Variants in DPYSL3 observed in about 807,000 individuals in gnomAD.
DPYSL3 encodes the protein dihydropyrimidinase like 3, also known as dihydropyrimidinase-related protein 3.
Under a neutral mutation model 66.1 loss-of-function variants are expected in DPYSL3, and 16 were observed. The ratio of observed to expected loss-of-function variants is 0.24; its 90% CI spans 0.16 to 0.37. The LOEUF (loss-of-function observed/expected upper bound fraction) is 0.37. DPYSL3 is among the 10% of genes least tolerant of loss of function. DPYSL3 has a pLI of 1.00. For missense variants in DPYSL3, 738 were observed against 916.2 expected (o/e 0.81, Z 2.51); for synonymous variants, 338 against 345.1 (o/e 0.98, Z 0.23).
At chr5:147,399,033 C>T (rs1156572673) in intron 11 of DPYSL3, 49 bp downstream of exon 11, 1 of 1,593,844 alleles carries the variant, frequency 6.3e-7, no homozygotes, top group Non-Finnish European at 8.6e-7. Context: ...GACCAAGTTC[C>T]TTGCATGCAT....
chr5:147,451,990 A>G (rs10056132), intron 1 of DPYSL3, among the ~76,000 whole-genome samples: 87,508 of 151,906 alleles, frequency 0.58, 25,591 homozygotes, highest in African/African-American at 0.64. Context: ...AAGGAGGATC[A>G]GTTAAAACCC....
chr5:147,480,947 C>T (rs1301194771), intron 1 of DPYSL3, among the ~76,000 whole-genome samples: 1 of 151,990 alleles, frequency 6.6e-6, no homozygotes, highest in Non-Finnish European at 1.5e-5. Context: ...GTCTCAAATT[C>T]TCGACCTCAG....
chr5:147,444,528 A>T (rs1200383197), intron 1 of DPYSL3, among the ~76,000 whole-genome samples: 1 of 152,222 alleles, frequency 6.6e-6, no homozygotes, highest in Non-Finnish European at 1.5e-5. Flanking sequence ...TAACACACAT[A>T]GTTCTTCAAA....
intron 1 of DPYSL3, among the ~76,000 whole-genome samples, chr5:147,482,168 C>T (rs945512900): frequency 6.6e-6 from 1 of 152,138 alleles, no homozygotes; most frequent in African/African-American, 2.4e-5. Flanking sequence ...TACCCAAAAC[C>T]CATGGTTCCC....
chr5:147,477,773 G>A (rs1013302504), intron 1 of DPYSL3, among the ~76,000 whole-genome samples: 1 of 150,662 alleles, frequency 6.6e-6, no homozygotes, highest in South Asian at 2.1e-4. Flanking sequence ...TAGTAGAGAC[G>A]GGGTTTCACC....
At chr5:147,496,799 G>A (rs975414214) in intron 1 of DPYSL3, among the ~76,000 whole-genome samples, 1 of 151,838 alleles carries the variant, frequency 6.6e-6, no homozygotes, top group African/African-American at 2.4e-5. Context: ...TACACTGTTG[G>A]TGGGACTGTA....
intron 1 of DPYSL3, among the ~76,000 whole-genome samples, chr5:147,486,892 T>C (rs1001273228): frequency 6.6e-6 from 1 of 152,222 alleles, no homozygotes. Flanking sequence ...TATATCCTTT[T>C]ACTGCATATT....
intron 2 of DPYSL3, among the ~76,000 whole-genome samples, chr5:147,421,146 TG>T (rs1376955422): frequency 2.0e-5 from 3 of 152,294 alleles, no homozygotes; most frequent in Admixed American, 6.5e-5. Context: ...CTCCTTAAGC[TG>T]ATAAGCAACT....
At chr5:147,506,496 C>T (rs1421875809) in intron 1 of DPYSL3, among the ~76,000 whole-genome samples, 2 of 152,008 alleles carry the variant, frequency 1.3e-5, no homozygotes, top group Non-Finnish European at 2.9e-5. Flanking sequence ...ATATTCAGTT[C>T]TGGGCACTGT....
At chr5:147,422,111 G>T (rs1428819128) in intron 2 of DPYSL3, among the ~76,000 whole-genome samples, 3 of 151,864 alleles carry the variant, frequency 2.0e-5, no homozygotes, top group African/African-American at 7.3e-5. Flanking sequence ...CTGACAAAGG[G>T]GTAATACCCA....
chr5:147,496,998 C>T (rs1267659905), intron 1 of DPYSL3, among the ~76,000 whole-genome samples: 1 of 152,156 alleles, frequency 6.6e-6, no homozygotes. Flanking sequence ...TTGGAACCAA[C>T]CTAAATGTCC....
intron 1 of DPYSL3, among the ~76,000 whole-genome samples, chr5:147,449,237 T>C (rs1230386933): frequency 6.6e-6 from 1 of 152,142 alleles, no homozygotes; most frequent in Admixed American, 6.5e-5. Flanking sequence ...ATAAGGTCCC[T>C]TCACTTCTCC....
At chr5:147,406,950 G>A (rs1160890895) in intron 7 of DPYSL3, among the ~76,000 whole-genome samples, 1 of 152,204 alleles carries the variant, frequency 6.6e-6, no homozygotes, top group Non-Finnish European at 1.5e-5. Context: ...TTTATTGCAT[G>A]TGGATGGGAC....
chr5:147,432,711 C>T (rs1266031172), intron 1 of DPYSL3, among the ~76,000 whole-genome samples: 2 of 152,158 alleles, frequency 1.3e-5, no homozygotes, highest in Non-Finnish European at 2.9e-5. Context: ...GTCATTTGTG[C>T]ACTACCTGCA....
rs924541740 is a variant in DPYSL3 at position 147,397,856 on chromosome 5, G to A, written c.1624-11C>T. The stretch of plus-strand genomic sequence containing the variant: ...GTTGTACTCTGCCGCCTAGAGGCAG[G>A]GGTGAGAAGCAAAGCCACAGTAAGG... On this transcript the variant is annotated splice_polypyrimidine_tract_variant and intron_variant, in intron 11 of 13. Coordinates refer to ENST00000343218, the MANE Select transcript of DPYSL3 (RefSeq NM_001197294.2). 2 of 1,590,252 alleles carry A rather than the reference G, an allele frequency of 1.3e-6. No individual in the cohort carries two copies. Among genetic ancestry groups the A allele is most frequent in the South Asian group, 1.1e-5 (1 of 89,462 alleles).
At chr5:147,473,145 C>T (rs1354336709) in intron 1 of DPYSL3, 2 of 152,174 alleles carry the variant, frequency 1.3e-5, no homozygotes, top group Non-Finnish European at 2.9e-5. Flanking sequence ...AAACATGAAG[C>T]AGGGCACTTA....
At chr5:147,406,468 C>G (rs1396262689) in intron 7 of DPYSL3, among the ~76,000 whole-genome samples, 1 of 152,152 alleles carries the variant, frequency 6.6e-6, no homozygotes, top group African/African-American at 2.4e-5. Flanking sequence ...CACAACCTCC[C>G]AAAGCCTCAG....
rs1356032463 is a variant in DPYSL3, at chr5:147,399,132, T to C, written c.1573A>G (p.Ile525Val). 1.2e-6 allele frequency: 2 copies of C among 1,614,226 alleles called. No individual in the cohort carries two copies. The change falls in exon 11 of 14, where the codon ATC becomes GTC. Residue 525 changes from isoleucine to valine, a missense_variant. Coordinates refer to ENST00000343218, the MANE Select transcript of DPYSL3 (RefSeq NM_001197294.2). Reference protein sequence around the residue: ...ISVGSDSDLVIWDPDAVKIVS... With the variant: ...ISVGSDSDLVVWDPDAVKIVS... ...ATCTTCACAGCATCTGGATCCCAGA[T>C]GACGAGGTCGCTGTCAGAACCCACA...
chr5:147,397,471 CTCTT>C (rs1758024412), intron 12 of DPYSL3, among the ~76,000 whole-genome samples, 191 bp downstream of exon 12: 1 of 152,146 alleles, frequency 6.6e-6, no homozygotes, highest in South Asian at 2.1e-4. Flanking sequence ...AAAAAAAGCT[CTCTT>C]TGAACAAAAA....
Sources: allele counts gnomAD v4.1 joint callset (sites outside exome capture counted in the v4.1 genomes callset), GRCh38; gene constraint gnomAD v4.1.1; transcripts MANE v1.5; gene names NCBI Gene and HGNC (gene_info 2026-07-23, HGNC 2026-07-21).